TENM2: variants seen among roughly 807,000 people sequenced by gnomAD.
TENM2 encodes teneurin transmembrane protein 2, also known as teneurin-2.
Under a neutral mutation model 245.2 loss-of-function variants are expected in TENM2, and 52 were observed. The ratio of observed to expected loss-of-function variants is 0.21; its 90% CI spans 0.17 to 0.27. The LOEUF is 0.27. Ranked by LOEUF, TENM2 falls within the 10% of genes least tolerant of loss-of-function variation. TENM2 has a pLI of 1.00. For missense variants in TENM2, 3,046 were observed against 3,666.8 expected (o/e 0.83, Z 4.37); for synonymous variants, 1,363 against 1,438.9 (o/e 0.95, Z 1.19).
intron 1 of TENM2, among the ~76,000 whole-genome samples, chr5:167,329,519 TCCAG>T (rs1294559296): frequency 8.8e-6 from 1 of 113,380 alleles, no homozygotes; most frequent in African/African-American, 3.5e-5. Context: ...GCCACTGCAA[TCCAG>T]CCTGTGTGAC....
At chr5:167,009,028 C>T in the TENM2 span, among the ~76,000 whole-genome samples, 2 of 152,220 alleles carry the variant, frequency 1.3e-5, no homozygotes, top group Admixed American at 6.5e-5. Flanking sequence ...GGTTGTCAAG[C>T]ATTTGTAAGA....
intron 2 of TENM2, among the ~76,000 whole-genome samples, chr5:167,534,919 A>T (rs1389722442): frequency 6.6e-6 from 1 of 152,150 alleles, no homozygotes; most frequent in African/African-American, 2.4e-5. Flanking sequence ...TCTCCTTAAC[A>T]TGATTCCTTC....
At chr5:167,490,561 A>G (rs897396827) in intron 2 of TENM2, among the ~76,000 whole-genome samples, 13 of 152,082 alleles carry the variant, frequency 8.5e-5, no homozygotes, top group Non-Finnish European at 1.8e-4. Context: ...TCTGTTTTAT[A>G]TATGGTACAC....
upstream of TENM2, among the ~76,000 whole-genome samples, chr5:167,282,393 A>G (rs369057122): frequency 2.6e-4 from 39 of 152,304 alleles, 1 homozygote; most frequent in East Asian, 2.1e-3. Flanking sequence ...TTATATCGTC[A>G]TCTTCCTCCT....
At chr5:168,174,095 A>G (rs1027244146) in intron 13 of TENM2, among the ~76,000 whole-genome samples, 2 of 152,198 alleles carry the variant, frequency 1.3e-5, no homozygotes, top group Non-Finnish European at 2.9e-5. Context: ...TCCCATCAAC[A>G]TAGCATCTCA....
At chr5:167,745,111 T>C (rs1277930631) in intron 2 of TENM2, among the ~76,000 whole-genome samples, 1 of 152,196 alleles carries the variant, frequency 6.6e-6, no homozygotes, top group Non-Finnish European at 1.5e-5. Flanking sequence ...CTCAAATTGG[T>C]GGATTGACTG....
chr5:167,683,428 T>C (rs867880276), intron 2 of TENM2, among the ~76,000 whole-genome samples: 1 of 152,196 alleles, frequency 6.6e-6, no homozygotes, highest in Non-Finnish European at 1.5e-5. Context: ...ATACTGTCCA[T>C]GCAAAATAGA....
At chr5:168,051,498 A>G (rs536944211) in intron 6 of TENM2, among the ~76,000 whole-genome samples, 121 of 152,338 alleles carry the variant, frequency 7.9e-4, no homozygotes, top group Non-Finnish European at 1.6e-3. Context: ...ATCATTGCCA[A>G]TCCCATTTCC....
chr5:167,101,847 A>ATT, the TENM2 span, among the ~76,000 whole-genome samples: 4 of 95,188 alleles, frequency 4.2e-5, 1 homozygote, highest in East Asian at 3.4e-4. Flanking sequence ...ATATATATAT[A>ATT]TTTATATATA....
chr5:168,041,468 G>A (rs1288493333), intron 5 of TENM2, among the ~76,000 whole-genome samples: 1 of 151,948 alleles, frequency 6.6e-6, no homozygotes, highest in African/African-American at 2.4e-5. Flanking sequence ...CTCCCCTTCG[G>A]CGTGCTCTTC....
chr5:167,179,351 G>A, the TENM2 span, among the ~76,000 whole-genome samples: 6 of 152,222 alleles, frequency 3.9e-5, no homozygotes, highest in Non-Finnish European at 7.3e-5. Flanking sequence ...TGAGAGAGAA[G>A]TAAAAGACAG....
intron 5 of TENM2, among the ~76,000 whole-genome samples, chr5:168,002,648 T>C (rs1784500156): frequency 6.6e-6 from 1 of 152,238 alleles, no homozygotes; most frequent in African/African-American, 2.4e-5. Flanking sequence ...AAACTTTCTT[T>C]TAGTAACAAG....
intron 2 of TENM2, among the ~76,000 whole-genome samples, chr5:167,791,635 C>A (rs1432117444): frequency 6.6e-6 from 1 of 150,908 alleles, no homozygotes; most frequent in African/African-American, 2.4e-5. Flanking sequence ...GTATGATGAT[C>A]CCAAATTCTT....
intron 2 of TENM2, among the ~76,000 whole-genome samples, chr5:167,706,276 TATG>T (rs72177106): frequency 0.046 from 6,785 of 146,562 alleles, 532 homozygotes; most frequent in African/African-American, 0.16. Flanking sequence ...TGATATATAT[TATG>T]ATAAGTATAT....
Position 168,119,611 on chromosome 5 carries a change from A to C in TENM2, c.2008+1125A>C, listed in dbSNP as rs532702629. On this transcript the variant is annotated intron_variant, in intron 10 of 28. Coordinates refer to ENST00000518659, the Ensembl canonical transcript of TENM2. ...TGGCCACAGCTGGTAGGAAGGTAAG[A>C]CCATAGACCCTCTCAGCCCCTTGCC... Among the ~76,000 whole-genome samples the C allele has an allele frequency of 9.9e-5, 15 of 152,274 alleles. No individual in the cohort carries two copies. In the South Asian group the frequency reaches 2.7e-3, roughly 27 times the overall value.
chr5:168,262,864 A>G (rs1480315402), exon 29 of TENM2: 3 of 1,489,484 alleles, frequency 2.0e-6, no homozygotes, highest in Admixed American at 4.0e-5. Context: ...AGTAACTGTT[A>G]TCTCCTCTCC....
intron 3 of TENM2, among the ~76,000 whole-genome samples, chr5:167,880,008 C>T (rs989031115): frequency 1.3e-5 from 2 of 151,886 alleles, no homozygotes; most frequent in Non-Finnish European, 2.9e-5. Context: ...CTTTTTTGCA[C>T]CTCCCTCATA....
intron 2 of TENM2, among the ~76,000 whole-genome samples, chr5:167,451,046 C>G (rs1180123004): frequency 2.0e-5 from 3 of 152,136 alleles, no homozygotes; most frequent in African/African-American, 7.2e-5. Flanking sequence ...AAATGAATCA[C>G]TAAACTGTTT....
At chr5:168,052,036 G>T (rs1213219065) in intron 6 of TENM2, among the ~76,000 whole-genome samples, 1 of 151,820 alleles carries the variant, frequency 6.6e-6, no homozygotes, top group Non-Finnish European at 1.5e-5. Context: ...AAAGTGAGAG[G>T]ATCACTTAAG....
Sources: gnomAD v4.1 joint callset for allele counts (sites outside exome capture counted in the v4.1 genomes callset) on GRCh38, gnomAD v4.1.1 for gene constraint, MANE v1.5 for transcripts, NCBI Gene and HGNC (gene_info 2026-07-23, HGNC 2026-07-21) for gene names.